Variants in NFAT5 observed in about 807,000 individuals in gnomAD.
NFAT5 encodes nuclear factor of activated T-cells 5.
NFAT5 carries 31 observed loss-of-function variants against 166.5 expected under a neutral mutation model. The ratio of observed to expected loss-of-function variants is 0.19; its 90% CI spans 0.14 to 0.25. NFAT5 has a LOEUF of 0.25. Among genes scored for constraint, NFAT5 ranks in the 10% least tolerant of loss-of-function variants. The pLI, the probability that NFAT5 is intolerant of heterozygous loss-of-function variation, is 1.00. For synonymous variants in NFAT5, 612 were observed against 639.7 expected (o/e 0.96, Z 0.65); for missense variants, 1,449 against 1,821.8 (o/e 0.80, Z 3.72).
At chr16:69,648,925 A>G (rs1369005529) in intron 4 of NFAT5, 11 of 969,158 alleles carry the variant, frequency 1.1e-5, no homozygotes, top group Non-Finnish European at 1.3e-5. Flanking sequence ...AGTAATATCT[A>G]CCCTTTAAGC....
intron 2 of NFAT5, among the ~76,000 whole-genome samples, chr16:69,607,600 G>A (rs1023043490): frequency 1.3e-5 from 2 of 152,080 alleles, no homozygotes; most frequent in African/African-American, 2.4e-5. Context: ...AGATAAATAG[G>A]TGTAGAAGGA....
At chr16:69,588,401 T>TA (rs2032235404) in intron 2 of NFAT5, among the ~76,000 whole-genome samples, 1 of 152,182 alleles carries the variant, frequency 6.6e-6, no homozygotes, top group Admixed American at 6.5e-5. Context: ...TTTGGTGAAA[T>TA]TAATGGGCTG....
rs1176748590 is a variant in NFAT5, at chr16:69,647,182, G to A, written c.408G>A (p.Gly136=). 1 of 1,614,080 alleles carries A rather than the reference G, an allele frequency of 6.2e-7. No individual in the cohort carries two copies. Among genetic ancestry groups the A allele is most frequent in the Admixed American group, 1.7e-5 (1 of 60,008 alleles). Residue 136 remains glycine (G), a synonymous_variant, in exon 4 of 15, where the codon GGG becomes GGA. Coordinates refer to ENST00000349945, the MANE Select transcript of NFAT5 (RefSeq NM_138713.4). The surrounding 1 kb of genome is among the most constrained non-coding windows in gnomAD (Gnocchi z 4.8). The part of the protein sequence containing the change: ...CSSAVGVSNR[G]VSEKQLTSNT... ...CAGCCGTGGGGGTAAGTAACAGAGG[G>A]GTAAGTGAAAAGCAGTTAACCAGTA...
At chr16:69,620,713 A>T (rs895266674) in intron 2 of NFAT5, among the ~76,000 whole-genome samples, 32 of 152,238 alleles carry the variant, frequency 2.1e-4, no homozygotes, top group African/African-American at 7.7e-4. Context: ...AGAGAGAGAG[A>T]GAAATAGAGT....
intron 3 of NFAT5, among the ~76,000 whole-genome samples, chr16:69,630,032 G>A (rs1253062647): frequency 6.6e-6 from 1 of 151,690 alleles, no homozygotes; most frequent in Non-Finnish European, 1.5e-5. Context: ...CACCTCCCAG[G>A]TTCAAGCAGT....
At chr16:69,592,085 T>TC (rs991050238) in intron 2 of NFAT5, among the ~76,000 whole-genome samples, 4 of 148,406 alleles carry the variant, frequency 2.7e-5, no homozygotes, top group African/African-American at 7.4e-5. Flanking sequence ...TTTTTCTTTT[T>TC]TTTTTTTTTT....
At chr16:69,638,716 A>C (rs1242984164) in intron 3 of NFAT5, among the ~76,000 whole-genome samples, 2 of 150,142 alleles carry the variant, frequency 1.3e-5, no homozygotes, top group African/African-American at 4.9e-5. Context: ...AGTTTGGGCA[A>C]CAGAGAGAGA....
chr16:69,679,373 T>C (rs2151690614), intron 10 of NFAT5, among the ~76,000 whole-genome samples: 1 of 151,134 alleles, frequency 6.6e-6, no homozygotes, highest in East Asian at 2.0e-4. Flanking sequence ...CCTAGCACAT[T>C]GGGAGGCCGA....
intron 2 of NFAT5, among the ~76,000 whole-genome samples, chr16:69,581,943 GTT>G (rs1399503370): frequency 6.6e-6 from 1 of 152,088 alleles, no homozygotes; most frequent in Non-Finnish European, 1.5e-5. Context: ...GTAATACATT[GTT>G]ATTAATTTTT....
intron 3 of NFAT5, among the ~76,000 whole-genome samples, chr16:69,640,545 T>A (rs887522990): frequency 6.6e-6 from 1 of 152,256 alleles, no homozygotes; most frequent in Non-Finnish European, 1.5e-5. Flanking sequence ...TCTGAATATC[T>A]TTCTTCTTTA....
At chr16:69,612,202 G>A (rs1466069703) in intron 2 of NFAT5, among the ~76,000 whole-genome samples, 1 of 152,156 alleles carries the variant, frequency 6.6e-6, no homozygotes, top group Non-Finnish European at 1.5e-5. Context: ...CAAACAGTGA[G>A]TGTCTCTTGT....
intron 2 of NFAT5, among the ~76,000 whole-genome samples, chr16:69,615,811 T>C (rs2033916900): frequency 1.3e-5 from 2 of 152,174 alleles, no homozygotes; most frequent in South Asian, 4.1e-4. Context: ...CTCCCATTGC[T>C]ACTGCCTCCT....
At chr16:69,598,279 G>A (rs1354913039) in intron 2 of NFAT5, among the ~76,000 whole-genome samples, 1 of 151,094 alleles carries the variant, frequency 6.6e-6, no homozygotes, top group African/African-American at 2.4e-5. Context: ...TCAGGAGCCT[G>A]AAGTAGGTGG....
chr16:69,571,317 CA>C (rs1159881798), intron 2 of NFAT5, among the ~76,000 whole-genome samples: 19 of 151,410 alleles, frequency 1.3e-4, no homozygotes, highest in Middle Eastern at 3.4e-3. Context: ...AAAACAACAA[CA>C]AACAAACAAA....
chr16:69,677,446 T>C (rs971721974), intron 10 of NFAT5, 111 bp downstream of exon 10: 2 of 810,586 alleles, frequency 2.5e-6, no homozygotes, highest in African/African-American at 1.8e-5. Context: ...CTAAGATGAA[T>C]TGATGTTAGT....
chr16:69,651,665 A>T (rs1040482054), intron 4 of NFAT5, among the ~76,000 whole-genome samples: 1 of 140,026 alleles, frequency 7.1e-6, no homozygotes. Context: ...TTAAAAACAT[A>T]CGTGAATTTT....
chr16:69,614,981 A>G (rs937141596), intron 2 of NFAT5, among the ~76,000 whole-genome samples: 1 of 150,852 alleles, frequency 6.6e-6, no homozygotes, highest in Non-Finnish European at 1.5e-5. Flanking sequence ...GGTTCAAGCA[A>G]TTCTTGTGCC....
At chr16:69,574,408 C>T (rs1203794663) in intron 2 of NFAT5, among the ~76,000 whole-genome samples, 2 of 152,066 alleles carry the variant, frequency 1.3e-5, no homozygotes, top group African/African-American at 2.4e-5. Flanking sequence ...GCTGTGTCTT[C>T]TGTTTGCTTT....
In NFAT5 at chr16:69,600,910, A is replaced by G. The variant is rs2033099083; in HGVS notation, c.128-25493A>G. On this transcript the variant is annotated intron_variant, in intron 2 of 14. Transcript: ENST00000349945. ...AGATGAGTGCTTAGGATCATTCAGG[A>G]TTGGGTATGATTAACAGGATGAATA... Among the ~76,000 whole-genome samples the G allele has an allele frequency of 2.0e-5, 3 of 152,214 alleles. No homozygotes were observed. The South Asian group carries it at 6.2e-4, about 32-fold the overall frequency.
Sources: gnomAD v4.1 joint callset for allele counts (sites outside exome capture counted in the v4.1 genomes callset) on GRCh38, gnomAD v4.1.1 for gene constraint, Gnocchi (gnomAD v3.1) non-coding constraint, MANE v1.5 for transcripts, NCBI Gene and HGNC (gene_info 2026-07-23, HGNC 2026-07-21) for gene names.